The following ZFAND3 variants were observed in gnomAD, a reference collection of about 807,000 sequenced individuals.
ZFAND3 encodes the protein zinc finger AN1-type containing 3, also known as AN1-type zinc finger protein 3.
In ZFAND3, 10 loss-of-function variants were observed where a neutral mutation model predicts 29.6. The observed-to-expected ratio is 0.34, with a 90% CI of 0.21 to 0.57. The LOEUF (loss-of-function observed/expected upper bound fraction) is 0.57. Ranked by LOEUF, ZFAND3 falls within the 20% of genes least tolerant of loss-of-function variation. The pLI is 0.86. For missense variants in ZFAND3, 230 were observed against 304.5 expected (o/e 0.76, Z 1.82); for synonymous variants, 128 against 112.6 (o/e 1.14, Z -0.87).
intron 2 of ZFAND3, among the ~76,000 whole-genome samples, chr6:38,014,973 A>C (rs1237923169): frequency 6.6e-6 from 1 of 152,234 alleles, no homozygotes; most frequent in Non-Finnish European, 1.5e-5. Flanking sequence ...AAGATACGTT[A>C]GATCGTTTAA....
chr6:37,954,669 T>G (rs13203867), intron 2 of ZFAND3, among the ~76,000 whole-genome samples: 12,593 of 152,272 alleles, frequency 0.083, 630 homozygotes, highest in African/African-American at 0.15. Context: ...ATATTTTTAT[T>G]ACTGTATTTT....
At chr6:37,895,459 C>CTTTTT (rs11331881) in intron 1 of ZFAND3, among the ~76,000 whole-genome samples, 897 of 76,514 alleles carry the variant, frequency 0.012, no homozygotes, top group Middle Eastern at 0.023. Context: ...CTCAGAGGTT[C>CTTTTT]TTTTTTTTTT....
rs74952738 is a variant in ZFAND3, at chr6:38,074,082, G to T, written c.296-8310G>T. On this transcript the variant is annotated intron_variant, in intron 3 of 5. Coordinates refer to ENST00000287218, the MANE Select transcript of ZFAND3 (RefSeq NM_021943.3). ...AATTGGATCTTATATTAACCTTTAG[G>T]TTCACTGGTTCTATACCAGTGGTTC... is the stretch of plus-strand genomic sequence containing the variant. Among the ~76,000 whole-genome samples, 135 of 152,080 alleles carry T rather than the reference G, an allele frequency of 8.9e-4. 1 individual carries two copies. The East Asian group carries it at 0.022, about 25-fold the overall frequency.
At chr6:37,832,519 A>T (rs1220305052) in intron 1 of ZFAND3, among the ~76,000 whole-genome samples, 1 of 152,184 alleles carries the variant, frequency 6.6e-6, no homozygotes, top group Admixed American at 6.5e-5. Flanking sequence ...GGAAGTTCTT[A>T]AGTTGAAGTG....
At chr6:37,971,184 A>G (rs1762382060) in intron 2 of ZFAND3, among the ~76,000 whole-genome samples, 1 of 152,186 alleles carries the variant, frequency 6.6e-6, no homozygotes, top group South Asian at 2.1e-4. Flanking sequence ...GTGCTTTTGT[A>G]GTTCTTGTTA....
At chr6:37,843,906 A>G (rs1384827741) in intron 1 of ZFAND3, among the ~76,000 whole-genome samples, 2 of 150,988 alleles carry the variant, frequency 1.3e-5, no homozygotes, top group Non-Finnish European at 2.9e-5. Flanking sequence ...CAATAAGATT[A>G]TTTTTTTTCT....
intron 4 of ZFAND3, among the ~76,000 whole-genome samples, chr6:38,113,464 A>G (rs923280564): frequency 6.6e-6 from 1 of 152,198 alleles, no homozygotes; most frequent in Non-Finnish European, 1.5e-5. Flanking sequence ...TGTGGAATAG[A>G]TCAAGGAAAA....
intron 2 of ZFAND3, among the ~76,000 whole-genome samples, chr6:38,038,729 T>C (rs567007135): frequency 6.6e-6 from 1 of 152,318 alleles, no homozygotes; most frequent in East Asian, 1.9e-4. Flanking sequence ...TCAGTAGACT[T>C]TCATAGTCAT....
At chr6:37,845,460 G>T (rs530758089) in intron 1 of ZFAND3, among the ~76,000 whole-genome samples, 1 of 152,274 alleles carries the variant, frequency 6.6e-6, no homozygotes, top group East Asian at 1.9e-4. Flanking sequence ...TAGGGGAAAG[G>T]TTTTTAATGA....
rs66941014 is a variant in ZFAND3, at chr6:37,918,951, C to CTTTTTTTTTTTTTTTT, written c.72-11003_72-10988dup. ...TGTGTTTTCAAAACATGAAAAATGC[C>CTTTTTTTTTTTTTTTT]TTTTTTTTTTTTTTTTTTTTGAGAC... On this transcript the variant is annotated intron_variant, in intron 1 of 5. Transcript: ENST00000287218. Among the ~76,000 whole-genome samples the CTTTTTTTTTTTTTTTT allele has an allele frequency of 8.1e-3, 845 of 104,626 alleles. 62 individuals are homozygous for CTTTTTTTTTTTTTTTT. The highest frequency in any genetic ancestry group is 0.012 in the Non-Finnish European group (634 of 54,100). 68.6% of individuals were successfully genotyped at this position (104,626 alleles called of 152,430 possible).
intron 1 of ZFAND3, among the ~76,000 whole-genome samples, chr6:37,897,799 C>G (rs1765246146): frequency 6.6e-6 from 1 of 152,092 alleles, no homozygotes; most frequent in Non-Finnish European, 1.5e-5. Context: ...AGTGCCTGTT[C>G]AAGTCTTTTG....
At chr6:38,069,520 G>T (rs9357261) in intron 3 of ZFAND3, among the ~76,000 whole-genome samples, 12,680 of 152,080 alleles carry the variant, frequency 0.083, 873 homozygotes, top group East Asian at 0.38. Context: ...ATTTAACGGT[G>T]TTTTTTTCCC....
At chr6:37,922,649 A>G (rs1761405080) in intron 1 of ZFAND3, among the ~76,000 whole-genome samples, 1 of 152,182 alleles carries the variant, frequency 6.6e-6, no homozygotes, top group African/African-American at 2.4e-5. Context: ...CCACACCTAC[A>G]CTATATGGTA....
chr6:37,939,774 G>C (rs1761779559), intron 2 of ZFAND3, among the ~76,000 whole-genome samples: 2 of 152,130 alleles, frequency 1.3e-5, no homozygotes, highest in African/African-American at 4.8e-5. Context: ...AGGAACGGTG[G>C]CTCACACCTG....
At chr6:37,964,015 C>G (rs1402811557) in intron 2 of ZFAND3, among the ~76,000 whole-genome samples, 1 of 152,038 alleles carries the variant, frequency 6.6e-6, no homozygotes, top group Non-Finnish European at 1.5e-5. Context: ...TATTATAATC[C>G]TTTCCATATT....
At chr6:37,982,382 A>G (rs1053942661) in intron 2 of ZFAND3, among the ~76,000 whole-genome samples, 2 of 152,080 alleles carry the variant, frequency 1.3e-5, no homozygotes, top group African/African-American at 4.8e-5. Context: ...ATATATTTTT[A>G]TATTTGTAAA....
intron 2 of ZFAND3, among the ~76,000 whole-genome samples, chr6:38,029,640 T>C (rs906898788): frequency 2.0e-5 from 3 of 152,198 alleles, no homozygotes; most frequent in Non-Finnish European, 4.4e-5. Flanking sequence ...AAAAACCTTA[T>C]AGATAAATAG....
chr6:38,007,132 A>G (rs1409231352), intron 2 of ZFAND3, among the ~76,000 whole-genome samples: 2 of 152,262 alleles, frequency 1.3e-5, no homozygotes, highest in African/African-American at 2.4e-5. Flanking sequence ...AATCATCACC[A>G]TAGAGTTATA....
At chr6:38,111,202 C>T (rs9349055) in intron 4 of ZFAND3, among the ~76,000 whole-genome samples, 1 of 152,234 alleles carries the variant, frequency 6.6e-6, no homozygotes, top group East Asian at 1.9e-4. Context: ...CAGAAGATTC[C>T]ATGTCTTTAA....
Sources: allele counts gnomAD v4.1 joint callset (sites outside exome capture counted in the v4.1 genomes callset), GRCh38; gene constraint gnomAD v4.1.1; transcripts MANE v1.5; gene names NCBI Gene and HGNC (gene_info 2026-07-23, HGNC 2026-07-21).